Variants in DLG2 observed in about 807,000 individuals in gnomAD.
The protein encoded by DLG2 is disks large homolog 2.
A neutral mutation model predicts 132.5 loss-of-function variants in DLG2; 45 were observed. That is an observed-to-expected ratio of 0.34 (90% CI 0.27 to 0.44). The LOEUF (loss-of-function observed/expected upper bound fraction) is 0.44, where lower values mean the gene tolerates loss of function less well. Ranked by LOEUF, DLG2 falls within the 20% of genes least tolerant of loss-of-function variation. The pLI, the probability that DLG2 is intolerant of heterozygous loss-of-function variation, is 1.00. For synonymous variants in DLG2, 424 were observed against 419.6 expected (o/e 1.01, Z -0.13); for missense variants, 1,045 against 1,196.9 (o/e 0.87, Z 1.87).
intron 6 of DLG2, among the ~76,000 whole-genome samples, chr11:84,832,578 T>A (rs932695448): frequency 1.3e-4 from 20 of 151,650 alleles, no homozygotes; most frequent in African/African-American, 4.4e-4. Flanking sequence ...TACTTTTTTT[T>A]ATTCAACCAT....
chr11:84,864,915 A>G (rs929282037), intron 6 of DLG2, among the ~76,000 whole-genome samples: 1 of 152,164 alleles, frequency 6.6e-6, no homozygotes, highest in African/African-American at 2.4e-5. Context: ...GCATGGAGAT[A>G]TGAAAATTCA....
chr11:84,111,605 T>A (rs2093353162), intron 9 of DLG2, among the ~76,000 whole-genome samples: 1 of 152,236 alleles, frequency 6.6e-6, no homozygotes, highest in African/African-American at 2.4e-5. Context: ...TGAAGGGGTT[T>A]ACCTGAAATT....
intron 20 of DLG2, among the ~76,000 whole-genome samples, chr11:83,536,461 G>T (rs571673233): frequency 5.9e-5 from 9 of 152,106 alleles, no homozygotes; most frequent in Admixed American, 4.6e-4. Context: ...TTCCTCATCT[G>T]CCTCAGCCCT....
chr11:84,010,233 T>C (rs1452516850), intron 11 of DLG2, among the ~76,000 whole-genome samples: 1 of 151,974 alleles, frequency 6.6e-6, no homozygotes, highest in Non-Finnish European at 1.5e-5. Flanking sequence ...ATGACATAAA[T>C]GATCATGACC....
intron 6 of DLG2, among the ~76,000 whole-genome samples, chr11:84,566,065 T>C (rs891723174): frequency 6.6e-6 from 1 of 151,064 alleles, no homozygotes; most frequent in Non-Finnish European, 1.5e-5. Context: ...TTAAAGAAAT[T>C]CTCCTGCCTC....
chr11:84,554,174 T>G (rs576145524), intron 6 of DLG2, among the ~76,000 whole-genome samples: 2 of 152,344 alleles, frequency 1.3e-5, no homozygotes, highest in South Asian at 4.1e-4. Flanking sequence ...TTCTTCATCC[T>G]TGTATCAATT....
chr11:85,561,259 G>A (rs1257718888), intron 3 of DLG2, among the ~76,000 whole-genome samples: 1 of 136,468 alleles, frequency 7.3e-6, no homozygotes, highest in African/African-American at 2.7e-5. Context: ...TTGAGCCCAG[G>A]AGTTCAAGGT....
chr11:83,708,097 A>G lies in DLG2; in HGVS notation c.1826-74772T>C, dbSNP rs1241364612. Among the ~76,000 whole-genome samples the G allele has an allele frequency of 3.3e-5, 5 of 152,356 alleles. No homozygotes were observed. In the East Asian group the frequency reaches 9.7e-4, roughly 29 times the overall value. On this transcript the variant is annotated intron_variant, in intron 18 of 27. Coordinates refer to ENST00000376104, the MANE Select transcript of DLG2 (RefSeq NM_001142699.3). The stretch of plus-strand genomic sequence containing the variant: ...TTACGTAAAAGCTCTTATCATTAAT[A>G]CTTGGCACATGGCAATCTTGCAATA...
chr11:84,542,456 A>C (rs1240072389), intron 6 of DLG2, among the ~76,000 whole-genome samples: 1 of 152,208 alleles, frequency 6.6e-6, no homozygotes, highest in Non-Finnish European at 1.5e-5. Context: ...GTCCCTCTGT[A>C]ATCCAAGTTC....
chr11:85,519,076 C>A (rs931362359), intron 3 of DLG2, among the ~76,000 whole-genome samples: 4 of 152,140 alleles, frequency 2.6e-5, no homozygotes, highest in Non-Finnish European at 4.4e-5. Flanking sequence ...GCAGGGCCCT[C>A]ATGGAGAACC....
intron 6 of DLG2, among the ~76,000 whole-genome samples, chr11:84,599,775 T>TTCCCAGATTTTAGGATTTCCCTAA (rs2099571378): frequency 1.3e-5 from 2 of 152,040 alleles, no homozygotes; most frequent in East Asian, 3.9e-4. Context: ...CTCACATCTG[T>TTCCCAGATTTTAGGATTTCCCTAA]AATCCCAACA....
chr11:85,071,521 G>T (rs191087524), intron 6 of DLG2, among the ~76,000 whole-genome samples: 1 of 151,920 alleles, frequency 6.6e-6, no homozygotes, highest in East Asian at 1.9e-4. Context: ...CTCAAGAACT[G>T]GATGCATCTT....
rs534516273 is a variant in DLG2, at chr11:83,898,157, T to C, written c.1497-23669A>G. On this transcript the variant is annotated intron_variant, in intron 15 of 27. Transcript: ENST00000376104. ...AACTATAATAAATAATAGAGATCTA[T>C]GTGTAAATGTGAGAATTTTTGAATC... Among the ~76,000 whole-genome samples, 9 of 152,286 alleles carry C rather than the reference T, an allele frequency of 5.9e-5. No individual in the cohort carries two copies. The South Asian group carries it at 1.9e-3, about 32-fold the overall frequency.
At chr11:84,317,643 C>T (rs2154395576) in intron 7 of DLG2, among the ~76,000 whole-genome samples, 1 of 152,224 alleles carries the variant, frequency 6.6e-6, no homozygotes, top group African/African-American at 2.4e-5. Context: ...TAGGCTTAAA[C>T]TTTATAGCAT....
chr11:84,753,319 A>T (rs2066431452), intron 6 of DLG2, among the ~76,000 whole-genome samples: 1 of 152,176 alleles, frequency 6.6e-6, no homozygotes, highest in Non-Finnish European at 1.5e-5. Context: ...AAACAGGGAG[A>T]TAAGTTAGGA....
At chr11:84,728,697 T>C (rs2062793434) in intron 6 of DLG2, among the ~76,000 whole-genome samples, 1 of 152,188 alleles carries the variant, frequency 6.6e-6, no homozygotes, top group African/African-American at 2.4e-5. Context: ...CTGGTAGAAT[T>C]TGGCTGTGAA....
intron 6 of DLG2, among the ~76,000 whole-genome samples, chr11:84,980,922 C>A (rs1288991848): frequency 1.3e-5 from 2 of 152,114 alleles, no homozygotes; most frequent in Non-Finnish European, 2.9e-5. Flanking sequence ...TGAGCTTTCC[C>A]AGAGCTGGTT....
chr11:84,564,402 C>T (rs1271430747), intron 6 of DLG2, among the ~76,000 whole-genome samples: 2 of 152,156 alleles, frequency 1.3e-5, no homozygotes, highest in African/African-American at 4.8e-5. Context: ...ACACATATCC[C>T]TGAAGCAAGG....
At chr11:84,135,966 C>CAGGTGGAATTTAAGAGTAATTTGAG (rs1362877888) in intron 9 of DLG2, among the ~76,000 whole-genome samples, 4 of 152,000 alleles carry the variant, frequency 2.6e-5, no homozygotes, top group Non-Finnish European at 5.9e-5. Context: ...TGGGAAAATA[C>CAGGTGGAATTTAAGAGTAATTTGAG]AGGTGGAATT....
Sources: allele counts gnomAD v4.1 joint callset (sites outside exome capture counted in the v4.1 genomes callset), GRCh38; gene constraint gnomAD v4.1.1; transcripts MANE v1.5; gene names NCBI Gene and HGNC (gene_info 2026-07-23, HGNC 2026-07-21).